The following SLC25A28 variants were observed in gnomAD, a reference collection of about 807,000 sequenced individuals.
SLC25A28 encodes the protein mitoferrin-2.
In SLC25A28, 10 loss-of-function variants were observed where a neutral mutation model predicts 31.9. That is an observed-to-expected ratio of 0.31 (90% CI 0.19 to 0.53). The LOEUF is 0.53. Ranked by LOEUF, SLC25A28 falls within the 20% of genes least tolerant of loss-of-function variation. SLC25A28 has a pLI of 0.95. For synonymous variants in SLC25A28, 208 were observed against 203.6 expected (o/e 1.02, Z -0.19); for missense variants, 256 against 490.3 (o/e 0.52, Z 4.51).
At chr10:99,649,163 AG>A in the SLC25A28 span, among the ~76,000 whole-genome samples, 2 of 152,176 alleles carry the variant, frequency 1.3e-5, no homozygotes, top group Non-Finnish European at 2.9e-5. Context: ...TTTATCATGA[AG>A]GGATGCTGAA....
intron 1 of SLC25A28, chr10:99,619,223 C>A: frequency 1.0e-6 from 1 of 985,384 alleles, no homozygotes; most frequent in Non-Finnish European, 1.2e-6. Context: ...TGATCTCTTT[C>A]CATTTTCTTC....
the SLC25A28 span, among the ~76,000 whole-genome samples, chr10:99,636,261 T>C: frequency 6.6e-6 from 1 of 152,168 alleles, no homozygotes; most frequent in African/African-American, 2.4e-5. Context: ...AAATTGAAAT[T>C]ATATCAATCA....
intron 1 of SLC25A28, chr10:99,618,274 T>G (rs2034703637): frequency 1.0e-6 from 1 of 983,374 alleles, no homozygotes; most frequent in Non-Finnish European, 1.2e-6. Context: ...TCTGTTATAA[T>G]GGAACAGTGG....
Position 99,615,911 on chromosome 10 carries a change from G to T in SLC25A28, c.292-1987C>A, listed in dbSNP as rs1051130091. ...TGAACGGTTTGGCTTCGGAGGCCTG[G>T]AACTCCTCACCCCCAAGAGAAAACC... On this transcript the variant is annotated intron_variant, in intron 1 of 3. Coordinates refer to ENST00000370495, the MANE Select transcript of SLC25A28 (RefSeq NM_031212.4). 4.1e-6 allele frequency: 4 copies of T among 985,264 alleles called. No homozygotes were observed. In the Admixed American group the frequency reaches 2.5e-4, roughly 61 times the overall value. The allele number at this position is 985,264 out of a possible 1,614,324, so 61.0% of individuals were successfully genotyped here.
the SLC25A28 span, among the ~76,000 whole-genome samples, chr10:99,657,051 T>G: frequency 6.6e-6 from 1 of 152,208 alleles, no homozygotes; most frequent in African/African-American, 2.4e-5. Context: ...GAAAAAATGT[T>G]GGGATTAAAA....
the SLC25A28 span, among the ~76,000 whole-genome samples, chr10:99,647,109 G>C: frequency 6.6e-6 from 1 of 152,182 alleles, no homozygotes; most frequent in Non-Finnish European, 1.5e-5. Context: ...ATTGTGAATA[G>C]TCTGCAATAA....
chr10:99,630,689 A>C, the SLC25A28 span, among the ~76,000 whole-genome samples: 1 of 152,212 alleles, frequency 6.6e-6, no homozygotes, highest in Non-Finnish European at 1.5e-5. Context: ...AATATGTGCC[A>C]GGCCTTAAAC....
chr10:99,639,449 C>A, the SLC25A28 span, among the ~76,000 whole-genome samples: 1 of 151,800 alleles, frequency 6.6e-6, no homozygotes, highest in African/African-American at 2.4e-5. Context: ...CATATGTAAC[C>A]AAATACCACC....
At chr10:99,657,952 G>A in the SLC25A28 span, among the ~76,000 whole-genome samples, 1 of 152,080 alleles carries the variant, frequency 6.6e-6, no homozygotes, top group South Asian at 2.1e-4. Context: ...TTGGGAGGCT[G>A]AGACAGGAAG....
the SLC25A28 span, among the ~76,000 whole-genome samples, chr10:99,644,845 T>A: frequency 2.6e-5 from 4 of 152,224 alleles, no homozygotes; most frequent in Non-Finnish European, 5.9e-5. Flanking sequence ...AAATTCTGGG[T>A]TGAAAATTCT....
At chr10:99,651,755 A>G in the SLC25A28 span, among the ~76,000 whole-genome samples, 5 of 151,272 alleles carry the variant, frequency 3.3e-5, no homozygotes, top group Non-Finnish European at 7.4e-5. Flanking sequence ...CATGCCTGGC[A>G]TATATTTTTA....
At chr10:99,649,806 T>C in the SLC25A28 span, among the ~76,000 whole-genome samples, 1 of 152,144 alleles carries the variant, frequency 6.6e-6, no homozygotes, top group East Asian at 1.9e-4. Context: ...CATTTTAATG[T>C]CTCATTTTTC....
intron 1 of SLC25A28, among the ~76,000 whole-genome samples, chr10:99,619,605 G>T (rs1408510068): frequency 6.6e-6 from 1 of 152,226 alleles, no homozygotes; most frequent in Non-Finnish European, 1.5e-5. Context: ...CCGTCAGTAA[G>T]GGAAGATACA....
chr10:99,656,396 A>G, the SLC25A28 span, among the ~76,000 whole-genome samples: 1 of 152,236 alleles, frequency 6.6e-6, no homozygotes, highest in Non-Finnish European at 1.5e-5. Flanking sequence ...ACTCCCATAC[A>G]GGTTCCTGCT....
chr10:99,612,773 G>A, intron 2 of SLC25A28, 174 bp from the exon 3 acceptor site: 1 of 687,980 alleles, frequency 1.5e-6, no homozygotes, highest in Non-Finnish European at 2.5e-6. Flanking sequence ...AGAAGGTAAA[G>A]TATCTGTTCC....
the SLC25A28 span, among the ~76,000 whole-genome samples, chr10:99,654,135 G>A: frequency 5.5e-4 from 83 of 152,244 alleles, no homozygotes; most frequent in Admixed American, 5.0e-3. Context: ...AATATGTAAG[G>A]GTTCTGGGTG....
chr10:99,637,927 C>G, the SLC25A28 span, among the ~76,000 whole-genome samples: 1 of 152,144 alleles, frequency 6.6e-6, no homozygotes, highest in Non-Finnish European at 1.5e-5. Context: ...CATCATTCTT[C>G]GCAGAATTAG....
At chr10:99,625,533 C>T (rs1328654802), upstream of SLC25A28, among the ~76,000 whole-genome samples, 1 of 152,192 alleles carries the variant, frequency 6.6e-6, no homozygotes, top group Non-Finnish European at 1.5e-5. Flanking sequence ...TGTTTTTTCA[C>T]ATTCTCCCGT....
At chr10:99,656,541 G>A in the SLC25A28 span, among the ~76,000 whole-genome samples, 1 of 152,130 alleles carries the variant, frequency 6.6e-6, no homozygotes, top group Non-Finnish European at 1.5e-5. Flanking sequence ...AGAGAGATGG[G>A]TAAACTTGGA....
Sources: allele counts gnomAD v4.1 joint callset (sites outside exome capture counted in the v4.1 genomes callset), GRCh38; gene constraint gnomAD v4.1.1; transcripts MANE v1.5; gene names NCBI Gene and HGNC (gene_info 2026-07-23, HGNC 2026-07-21).